Variants in GRID2 observed in about 807,000 individuals in gnomAD.
The protein encoded by GRID2 is glutamate ionotropic receptor delta type subunit 2.
A neutral mutation model predicts 114.8 loss-of-function variants in GRID2; 33 were observed. The ratio of observed to expected loss-of-function variants is 0.29; its 90% CI spans 0.22 to 0.38. The LOEUF is 0.38. GRID2 is among the 10% of genes least tolerant of loss of function. GRID2 has a pLI of 1.00. For missense variants in GRID2, 1,184 were observed against 1,257.7 expected, an observed-to-expected ratio of 0.94 and a Z score of 0.89; for synonymous variants, 505 against 449.9, an observed-to-expected ratio of 1.12 and a Z score of -1.55.
At chr4:93,505,162 T>TG (rs1221415722) in intron 12 of GRID2, among the ~76,000 whole-genome samples, 2 of 152,172 alleles carry the variant, frequency 1.3e-5, no homozygotes, top group East Asian at 3.9e-4. Flanking sequence ...GTAATGCCTC[T>TG]GGTAACTCTT....
chr4:93,120,267 A>G (rs957732618), intron 4 of GRID2, among the ~76,000 whole-genome samples: 1 of 152,204 alleles, frequency 6.6e-6, no homozygotes, highest in Non-Finnish European at 1.5e-5. Context: ...AGGATTATAA[A>G]TCATCCTACT....
At chr4:93,527,889 G>C (rs1731071327) in intron 13 of GRID2, among the ~76,000 whole-genome samples, 1 of 151,694 alleles carries the variant, frequency 6.6e-6, no homozygotes, top group Admixed American at 6.6e-5. Flanking sequence ...TCCCCCCAAG[G>C]CCTTAGCAAT....
intron 13 of GRID2, among the ~76,000 whole-genome samples, chr4:93,591,532 C>T (rs1221029479): frequency 1.3e-5 from 2 of 152,058 alleles, no homozygotes; most frequent in African/African-American, 4.8e-5. Context: ...TTGGTTCTGT[C>T]TCTGCCGGGC....
chr4:93,328,581 T>A (rs9917923), intron 8 of GRID2, among the ~76,000 whole-genome samples: 62,802 of 151,982 alleles, frequency 0.41, 13,381 homozygotes, highest in East Asian at 0.62. Context: ...ATATTTGTTT[T>A]CTTTTGTATT....
At chr4:92,426,571 C>T (rs964360646) in intron 1 of GRID2, among the ~76,000 whole-genome samples, 2 of 152,050 alleles carry the variant, frequency 1.3e-5, no homozygotes, top group Non-Finnish European at 2.9e-5. Context: ...CCAGAAGATA[C>T]TGCTTAAGTG....
In GRID2 at chr4:92,999,734, A is replaced by AT. The variant is rs1319695097; in HGVS notation, c.245-85254dup. 3.3e-5 allele frequency among the ~76,000 whole-genome samples: 5 copies of AT among 151,640 alleles called. No homozygotes were observed. In the South Asian group the frequency reaches 6.2e-4, roughly 19 times the overall value. On this transcript the variant is annotated intron_variant, in intron 2 of 15. Coordinates refer to ENST00000282020, the MANE Select transcript of GRID2 (RefSeq NM_001510.4). Reference sequence around the variant, plus strand: ...TCACAGCTTCTTTTGACCGTTATATATTTTTTTCAAGACAGCCATAAGATA... The same window carrying AT: ...TCACAGCTTCTTTTGACCGTTATATATTTTTTTTCAAGACAGCCATAAGATA...
chr4:93,450,418 A>G (rs911478289), intron 10 of GRID2, among the ~76,000 whole-genome samples: 1 of 151,964 alleles, frequency 6.6e-6, no homozygotes, highest in Non-Finnish European at 1.5e-5. Context: ...TGTAAAACAC[A>G]TGATACTTGG....
At chr4:92,666,600 G>C (rs1732788229) in intron 2 of GRID2, among the ~76,000 whole-genome samples, 1 of 138,010 alleles carries the variant, frequency 7.2e-6, no homozygotes, top group Admixed American at 7.8e-5. Flanking sequence ...TTGGAATGCT[G>C]TAGGCTATCT....
intron 13 of GRID2, among the ~76,000 whole-genome samples, chr4:93,565,767 T>C (rs2149571573): frequency 6.6e-6 from 1 of 152,318 alleles, no homozygotes; most frequent in African/African-American, 2.4e-5. Flanking sequence ...GGTTTAAATC[T>C]AAGCTTTCTT....
intron 1 of GRID2, among the ~76,000 whole-genome samples, chr4:92,332,001 TG>T (rs1247188477): frequency 6.6e-6 from 1 of 152,144 alleles, no homozygotes; most frequent in East Asian, 1.9e-4. Context: ...CAGTGGTAGT[TG>T]GTAAGGGGGT....
chr4:92,643,163 A>T (rs1490482532), intron 2 of GRID2, among the ~76,000 whole-genome samples: 1 of 151,762 alleles, frequency 6.6e-6, no homozygotes, highest in South Asian at 2.1e-4. Context: ...TGATAGGTAT[A>T]ACATTGAATA....
chr4:92,780,262 T>C (rs771784237), intron 2 of GRID2, among the ~76,000 whole-genome samples: 29 of 152,288 alleles, frequency 1.9e-4, no homozygotes, highest in Non-Finnish European at 3.8e-4. Context: ...ATTTTTGTTG[T>C]TGTTGAGTTG....
At chr4:92,531,092 T>C (rs1725331693) in intron 1 of GRID2, among the ~76,000 whole-genome samples, 1 of 151,974 alleles carries the variant, frequency 6.6e-6, no homozygotes, top group Non-Finnish European at 1.5e-5. Context: ...TTATTTAAAA[T>C]CAAACAAAAA....
chr4:92,726,804 G>A (rs962582364), intron 2 of GRID2, among the ~76,000 whole-genome samples: 1 of 151,998 alleles, frequency 6.6e-6, no homozygotes, highest in Non-Finnish European at 1.5e-5. Flanking sequence ...TTCGGCTCCA[G>A]CGAAATAATT....
chr4:92,999,111 G>A (rs772523308), intron 2 of GRID2, among the ~76,000 whole-genome samples: 3 of 151,756 alleles, frequency 2.0e-5, no homozygotes, highest in Non-Finnish European at 4.4e-5. Context: ...GGAAATGAAA[G>A]CTCATTGTAT....
At chr4:93,134,759 C>T (rs1320174138) in intron 4 of GRID2, among the ~76,000 whole-genome samples, 1 of 151,832 alleles carries the variant, frequency 6.6e-6, no homozygotes. Flanking sequence ...ATATTTTTTG[C>T]AGAACAAAAT....
At chr4:92,942,391 C>T (rs1342186129) in intron 2 of GRID2, among the ~76,000 whole-genome samples, 4 of 152,106 alleles carry the variant, frequency 2.6e-5, no homozygotes, top group Non-Finnish European at 2.9e-5. Flanking sequence ...AGGATTGCAA[C>T]TCCTGCCTTT....
At chr4:92,902,476 G>A (rs1260979503) in intron 2 of GRID2, among the ~76,000 whole-genome samples, 1 of 151,836 alleles carries the variant, frequency 6.6e-6, no homozygotes, top group Non-Finnish European at 1.5e-5. Context: ...TCTTCTACTA[G>A]CTATGAAGAC....
chr4:92,354,011 C>G (rs1246880094), intron 1 of GRID2, among the ~76,000 whole-genome samples: 6 of 151,980 alleles, frequency 3.9e-5, no homozygotes, highest in Non-Finnish European at 8.8e-5. Context: ...GAAACTTTTC[C>G]AATGTGAGTT....
Sources: gnomAD v4.1 joint callset for allele counts (sites outside exome capture counted in the v4.1 genomes callset) on GRCh38, gnomAD v4.1.1 for gene constraint, MANE v1.5 for transcripts, NCBI Gene and HGNC (gene_info 2026-07-23, HGNC 2026-07-21) for gene names.